The following DIP2C variants were observed in gnomAD, a reference collection of about 807,000 sequenced individuals.
The protein encoded by DIP2C is DIP2 acetate--CoA ligase C (putative), also known as disco-interacting protein 2 homolog C.
Under a neutral mutation model 192.4 loss-of-function variants are expected in DIP2C, and 33 were observed. That is an observed-to-expected ratio of 0.17 (90% CI 0.13 to 0.23). DIP2C has a LOEUF of 0.23. Ranked by LOEUF, DIP2C falls within the 10% of genes least tolerant of loss-of-function variation. The probability of loss-of-function intolerance (pLI) is 1.00; values close to 1 mark genes in which losing one functional copy is unlikely to be tolerated. For synonymous variants in DIP2C, 979 were observed against 864.1 expected, an observed-to-expected ratio of 1.13 and a Z score of -2.33; for missense variants, 1,537 against 2,110.1, an observed-to-expected ratio of 0.73 and a Z score of 5.32.
Position 437,300 on chromosome 10 carries a change from C to T in DIP2C, c.394+3571G>A, listed in dbSNP as rs555933895. On this transcript the variant is annotated intron_variant, in intron 4 of 36. Coordinates refer to ENST00000280886, the MANE Select transcript of DIP2C (RefSeq NM_014974.3). ...GACATGGTAGGGTGATATGCTCCACCCACACCTGAGCTCTGAGCTCCACCT... is the reference window on the plus strand; with the variant it reads ...GACATGGTAGGGTGATATGCTCCACTCACACCTGAGCTCTGAGCTCCACCT... 1.1e-4 allele frequency among the ~76,000 whole-genome samples: 16 copies of T among 150,572 alleles called. No homozygotes were observed. The East Asian group carries it at 1.6e-3, about 15-fold the overall frequency.
chr10:568,785 AAAAAAAAAAAAAAC>A lies in DIP2C; in HGVS notation c.86-82269_86-82256del, dbSNP rs1304843518. On this transcript the variant is annotated intron_variant, in intron 1 of 36. Coordinates refer to ENST00000280886, the MANE Select transcript of DIP2C (RefSeq NM_014974.3). The stretch of plus-strand genomic sequence containing the variant: ...CGTCTCAAAAAAAAAAAAAAAAAAA[AAAAAAAAAAAAAAC>A]CTTCACTTGATCTGCAAGATGGCTG... Among the ~76,000 whole-genome samples the A allele has an allele frequency of 3.2e-3, 471 of 146,742 alleles. 6 individuals carry two copies. Among genetic ancestry groups the A allele is most frequent in the Non-Finnish European group, 5.4e-3 (361 of 66,656 alleles).
chr10:532,740 A>AGAGAGTATGGGTGTGT (rs1847480437), intron 1 of DIP2C, among the ~76,000 whole-genome samples: 3 of 72,004 alleles, frequency 4.2e-5, no homozygotes, highest in African/African-American at 1.2e-4. Flanking sequence ...TATGGGTGTG[A>AGAGAGTATGGGTGTGT]GAGAGAGTAT....
chr10:619,402 G>A (rs1340076351), intron 1 of DIP2C, among the ~76,000 whole-genome samples: 3 of 152,202 alleles, frequency 2.0e-5, no homozygotes, highest in Admixed American at 6.5e-5. Flanking sequence ...TCAGCCTCTA[G>A]AGGCTTCCGC....
chr10:447,017 A>G (rs1968283186), intron 3 of DIP2C, among the ~76,000 whole-genome samples: 1 of 152,216 alleles, frequency 6.6e-6, no homozygotes, highest in South Asian at 2.1e-4. Context: ...CGGCATCTAT[A>G]TGTCAAGAAG....
At chr10:367,052 C>A (rs1485460274) in intron 18 of DIP2C, among the ~76,000 whole-genome samples, 12 of 152,316 alleles carry the variant, frequency 7.9e-5, no homozygotes, top group African/African-American at 2.9e-4. Flanking sequence ...TTAGAAAGAG[C>A]CTAAAACAGC....
rs113701985 is a variant in DIP2C, at chr10:532,686, T to A, written c.86-46156A>T. Among the ~76,000 whole-genome samples, 266 of 39,650 alleles carry A rather than the reference T, an allele frequency of 6.7e-3. 31 individuals are homozygous for A. Among genetic ancestry groups the A allele is most frequent in the African/African-American group, 0.04 (230 of 5,788 alleles). The allele number at this position is 39,650 out of a possible 152,430, so 26.0% of individuals were successfully genotyped here. A position where few individuals can be genotyped will look rare whatever the true frequency, so the allele number is the denominator to read the frequency against. ...ATGGGTGTGAGAGAGAGTATGGGTG[T>A]GAGAGAGTATGGGTGTGAGAGAGAG... On this transcript the variant is annotated intron_variant, in intron 1 of 36. Coordinates refer to ENST00000280886, the MANE Select transcript of DIP2C (RefSeq NM_014974.3).
intron 1 of DIP2C, among the ~76,000 whole-genome samples, chr10:523,562 GCA>G (rs1846864010): frequency 6.8e-6 from 1 of 147,734 alleles, no homozygotes; most frequent in African/African-American, 2.5e-5. Context: ...CAGGGACTCT[GCA>G]TGACCCACAC....
chr10:674,681 A>G (rs1830793719), intron 1 of DIP2C, among the ~76,000 whole-genome samples: 1 of 151,486 alleles, frequency 6.6e-6, no homozygotes, highest in Non-Finnish European at 1.5e-5. Context: ...AGGCAGGAGA[A>G]TCACTTGAAC....
chr10:305,635 A>C (rs997570314), intron 32 of DIP2C, among the ~76,000 whole-genome samples: 3 of 152,306 alleles, frequency 2.0e-5, no homozygotes, highest in Admixed American at 2.0e-4. Flanking sequence ...AGATGTAAAA[A>C]ATTGCTAAAA....
intron 1 of DIP2C, among the ~76,000 whole-genome samples, chr10:588,357 C>A (rs1262519469): frequency 6.6e-6 from 1 of 152,226 alleles, no homozygotes; most frequent in East Asian, 1.9e-4. Flanking sequence ...GAAGCTGAGT[C>A]AAATCAGTGC....
In DIP2C at chr10:381,190, C is replaced by G. The variant is rs79512349; in HGVS notation, c.1991+1457G>C. ...CATCTCAGGAAATTAGGGAGTCCAA[C>G]TGCAATGGCCAATTATACAGATTAT... On this transcript the variant is annotated intron_variant, in intron 17 of 36. Transcript: ENST00000280886. Among the ~76,000 whole-genome samples the G allele has an allele frequency of 6.1e-3, 925 of 152,286 alleles. 4 individuals are homozygous for G. The highest frequency in any genetic ancestry group is 0.014 in the East Asian group (71 of 5,182).
intron 1 of DIP2C, among the ~76,000 whole-genome samples, chr10:547,180 G>C (rs1485953162): frequency 6.6e-6 from 1 of 152,192 alleles, no homozygotes. Context: ...CAGCGGGACT[G>C]AAGTTTGCTC....
intron 4 of DIP2C, among the ~76,000 whole-genome samples, chr10:440,283 A>G (rs560814668): frequency 6.6e-6 from 1 of 152,338 alleles, no homozygotes; most frequent in East Asian, 1.9e-4. Context: ...CTGTTCTTAT[A>G]AAGTTTTATT....
In DIP2C at chr10:362,668, A is replaced by G; in HGVS notation, c.2616T>C (p.Val872=). 1.2e-6 allele frequency: 2 copies of G among 1,613,178 alleles called. No individual in the cohort carries two copies. Among genetic ancestry groups the G allele is most frequent in the Non-Finnish European group, 1.7e-6 (2 of 1,179,500 alleles). The change falls in exon 22 of 37, where the codon GTT becomes GTC. Residue 872 remains valine, a synonymous_variant. Transcript: ENST00000280886. ...GCACCAAGGCCAGGCAATAAACTCC[A>G]ACTTGATGTATACTGTCAATCGCCT... ...VLQAIDSIHQ[V]GVYCLALVPA...
chr10:393,829 A>AAGG (rs1160209734), intron 10 of DIP2C, among the ~76,000 whole-genome samples: 74 of 149,770 alleles, frequency 4.9e-4, no homozygotes, highest in African/African-American at 1.5e-3. Context: ...GGAAAAGGAA[A>AAGG]AAAAAAAAAA....
chr10:390,428 G>T, intron 11 of DIP2C, 55 bp from the exon 12 acceptor site: 1 of 1,527,746 alleles, frequency 6.5e-7, no homozygotes, highest in South Asian at 1.1e-5. Context: ...TCGGTCTGTA[G>T]AATTTCTCCC....
At chr10:630,304 G>A (rs1854444452) in intron 1 of DIP2C, 1 of 152,144 alleles carries the variant, frequency 6.6e-6, no homozygotes, top group Non-Finnish European at 1.5e-5. Flanking sequence ...AAAAAAAGTG[G>A]TTCTAATTAA....
chr10:366,198 AT>A, intron 19 of DIP2C, 76 bp downstream of exon 19: 1 of 1,568,402 alleles, frequency 6.4e-7, no homozygotes, highest in Non-Finnish European at 8.7e-7. Context: ...TTCCACGTCT[AT>A]CACTATGCAC....
chr10:659,137 C>T (rs1310229685), intron 1 of DIP2C, among the ~76,000 whole-genome samples: 1 of 152,242 alleles, frequency 6.6e-6, no homozygotes, highest in African/African-American at 2.4e-5. Flanking sequence ...CACACACAAA[C>T]ATATGTAAAT....
Sources: allele counts gnomAD v4.1 joint callset (sites outside exome capture counted in the v4.1 genomes callset), GRCh38; gene constraint gnomAD v4.1.1; transcripts MANE v1.5; gene names NCBI Gene and HGNC (gene_info 2026-07-23, HGNC 2026-07-21).